CDH23: variants seen among roughly 807,000 people sequenced by gnomAD.
CDH23 encodes cadherin-23.
Under a neutral mutation model 317.1 loss-of-function variants are expected in CDH23, and 189 were observed. That is an observed-to-expected ratio of 0.60 (90% CI 0.53 to 0.67). The LOEUF is 0.67. Ranked by LOEUF, CDH23 falls within the 30% of genes least tolerant of loss-of-function variation. CDH23 has a pLI of 0.00. For missense variants in CDH23, 4,401 were observed against 4,592.4 expected (o/e 0.96, Z 1.20); for synonymous variants, 1,839 against 1,876.8 (o/e 0.98, Z 0.52).
At position 71,740,750 on chromosome 10, in the gene CDH23, C is replaced by CT. The variant is rs1471204928; in HGVS notation, c.4489-68dup. On this transcript the variant is annotated intron_variant, in intron 36 of 69. Transcript: ENST00000224721. ...AATGCTCCCCACTGATTGCACAGCC[C>CT]TTTTGGACTCCATATTCCCAATCCT... is the stretch of plus-strand genomic sequence containing the variant. 2.5e-6 allele frequency: 4 copies of CT among 1,598,332 alleles called. No homozygotes were observed. In the African/African-American group the frequency reaches 5.3e-5, roughly 21 times the overall value.
chr10:71,791,399 G>T (rs1388156711), intron 47 of CDH23, 64 bp downstream of exon 47: 3 of 1,440,896 alleles, frequency 2.1e-6, no homozygotes, highest in Non-Finnish European at 2.9e-6. Context: ...CAGGGGACTG[G>T]AGCCTCAGGT....
chr10:71,604,783 C>A (rs535711082), intron 9 of CDH23, among the ~76,000 whole-genome samples: 2 of 152,370 alleles, frequency 1.3e-5, no homozygotes, highest in Admixed American at 1.3e-4. Context: ...CAGGACTGGG[C>A]CCCTTTTGGC....
chr10:71,462,131 C>G lies in CDH23; in HGVS notation c.145+15736C>G, dbSNP rs1004229896. 3.9e-5 allele frequency among the ~76,000 whole-genome samples: 6 copies of G among 152,178 alleles called. No individual in the cohort carries two copies. The East Asian group carries it at 1.2e-3, about 29-fold the overall frequency. ...CTGAAGCTCAGCTGGGGCTTATCAT[C>G]GGATAGCAGATGTGTGAATTAAGAG... is the stretch of plus-strand genomic sequence containing the variant. On this transcript the variant is annotated intron_variant, in intron 3 of 69. Transcript: ENST00000224721.
Position 71,784,238 on chromosome 10 carries a change from A to G in CDH23, c.5369-49A>G, listed in dbSNP as rs751377056. On this transcript the variant is annotated intron_variant, in intron 41 of 69. Transcript: ENST00000224721. ...GCAGAAGGAGTCCTGGGGTCTCCAC[A>G]GTTCCTGCCAATGCCCGACTAACTT... The G allele has an allele frequency of 6.7e-5, 106 of 1,587,552 alleles. 3 individuals carry two copies. The Admixed American group carries it at 1.7e-3, about 26-fold the overall frequency.
At chr10:71,465,931 G>A (rs1458746033) in intron 3 of CDH23, among the ~76,000 whole-genome samples, 2 of 151,896 alleles carry the variant, frequency 1.3e-5, no homozygotes, top group African/African-American at 2.4e-5. Context: ...ATTTTTCTCC[G>A]GAGGGTGGGA....
chr10:71,732,022 G>A lies in CDH23; in HGVS notation c.3751G>A (p.Gly1251Ser), dbSNP rs2132824504. ...GGLVNYRILS[G>S]AEGKFEIDES... ...CCTGGTGAACTACCGCATCCTGTCG[G>A]GCGCAGAGGGGAAGTTTGAGATTGA... Residue 1251 changes from glycine to serine, a missense_variant, in exon 32 of 70, where the codon GGC becomes AGC. This residue lies in a region of CDH23 where 3,068 missense variants were observed against 3,203.3 expected (regional missense o/e 0.96). Coordinates refer to ENST00000224721, the MANE Select transcript of CDH23 (RefSeq NM_022124.6). The A allele has an allele frequency of 3.1e-6, 5 of 1,613,938 alleles. No homozygotes were observed. Among genetic ancestry groups the A allele is most frequent in the Non-Finnish European group, 4.2e-6 (5 of 1,179,864 alleles).
intron 44 of CDH23, among the ~76,000 whole-genome samples, chr10:71,787,119 C>G (rs184325122): frequency 2.6e-5 from 4 of 152,058 alleles, no homozygotes; most frequent in Non-Finnish European, 5.9e-5. Flanking sequence ...CCTTGAAGGT[C>G]GAGAAACAGG....
Position 71,645,918 on chromosome 10 carries a change from G to C in CDH23, c.1228G>C (p.Asp410His). ...ISPTSVQGKA[D>H]IRIRVAIPLD... ...CCCGACCTCCGTCCAGGGGAAGGCG[G>C]ACATTCGTATTCGGGTGGCCATCCC... Residue 410 changes from aspartate to histidine, a missense_variant, in exon 13 of 70, where the codon GAC becomes CAC. Physicochemically the swap from Asp to His is moderately conservative, Grantham distance 81. Coordinates refer to ENST00000224721, the MANE Select transcript of CDH23 (RefSeq NM_022124.6). 2 of 1,613,662 alleles carry C rather than the reference G, an allele frequency of 1.2e-6. No homozygotes were observed. Among genetic ancestry groups the C allele is most frequent in the Non-Finnish European group, 1.7e-6 (2 of 1,179,748 alleles).
intron 55 of CDH23, among the ~76,000 whole-genome samples, chr10:71,804,701 G>T (rs1363825530): frequency 6.6e-6 from 1 of 152,148 alleles, no homozygotes; most frequent in Non-Finnish European, 1.5e-5. Context: ...GAGTGATCAG[G>T]ATATCTCGAG....
At chr10:71,529,262 T>C (rs1855220232) in intron 6 of CDH23, among the ~76,000 whole-genome samples, 1 of 152,198 alleles carries the variant, frequency 6.6e-6, no homozygotes, top group African/African-American at 2.4e-5. Flanking sequence ...GCCAGGGCCA[T>C]GGGCCAAGCA....
intron 9 of CDH23, 110 bp downstream of exon 9, chr10:71,578,102 G>C: frequency 9.6e-7 from 1 of 1,046,958 alleles, no homozygotes; most frequent in East Asian, 2.6e-5. Context: ...CGGGCATGTG[G>C]GACAGGGTAG....
intron 9 of CDH23, among the ~76,000 whole-genome samples, chr10:71,585,517 C>T (rs1858991698): frequency 6.6e-6 from 1 of 152,182 alleles, no homozygotes; most frequent in Non-Finnish European, 1.5e-5. Flanking sequence ...TCCTGTAGCT[C>T]TCTTCTTTCA....
intron 48 of CDH23, among the ~76,000 whole-genome samples, chr10:71,793,903 A>G (rs185269750): frequency 6.6e-6 from 1 of 152,100 alleles, no homozygotes; most frequent in Admixed American, 6.5e-5. Context: ...GAGAGCACCT[A>G]TCTCACCACA....
At chr10:71,522,589 C>G (rs10509337) in intron 6 of CDH23, among the ~76,000 whole-genome samples, 1 of 152,120 alleles carries the variant, frequency 6.6e-6, no homozygotes, top group East Asian at 1.9e-4. Flanking sequence ...GGTGCTGACA[C>G]AAGGTCCCCA....
chr10:71,678,583 C>T (rs573863676), intron 16 of CDH23, among the ~76,000 whole-genome samples: 1 of 152,344 alleles, frequency 6.6e-6, no homozygotes, highest in Admixed American at 6.5e-5. Flanking sequence ...CCAAGAAGAA[C>T]AGAACATGTG....
chr10:71,611,045 G>T (rs1050264639), intron 9 of CDH23, among the ~76,000 whole-genome samples: 2 of 151,682 alleles, frequency 1.3e-5, no homozygotes, highest in South Asian at 2.1e-4. Context: ...CAGATGAAAG[G>T]CTTCCCTGGT....
At chr10:71,529,389 G>A (rs1855228713) in intron 6 of CDH23, among the ~76,000 whole-genome samples, 1 of 152,166 alleles carries the variant, frequency 6.6e-6, no homozygotes, top group Non-Finnish European at 1.5e-5. Context: ...CCCGGTGCAG[G>A]GAGGAGAGCG....
chr10:71,628,505 A>T (rs1861854015), intron 11 of CDH23, among the ~76,000 whole-genome samples: 1 of 151,352 alleles, frequency 6.6e-6, no homozygotes, highest in Non-Finnish European at 1.5e-5. Context: ...GAGTGAGATA[A>T]TTTTTGTTTT....
At chr10:71,675,857 T>A (rs1864340617) in intron 15 of CDH23, among the ~76,000 whole-genome samples, 1 of 151,706 alleles carries the variant, frequency 6.6e-6, no homozygotes, top group Non-Finnish European at 1.5e-5. Context: ...TTGGGCCATC[T>A]CTTTCCCTTG....
Sources: allele counts gnomAD v4.1 joint callset (sites outside exome capture counted in the v4.1 genomes callset), GRCh38; gene constraint gnomAD v4.1.1; regional missense constraint gnomAD v4.1.1; transcripts MANE v1.5; gene names NCBI Gene and HGNC (gene_info 2026-07-23, HGNC 2026-07-21).